RGS20: variants seen among roughly 807,000 people sequenced by gnomAD.
The protein encoded by RGS20 is regulator of G protein signaling 20, also known as gz-selective GTPase-activating protein.
RGS20 carries 30 observed loss-of-function variants against 33.6 expected under a neutral mutation model. The ratio of observed to expected loss-of-function variants is 0.89; its 90% CI spans 0.67 to 1.21. The LOEUF (loss-of-function observed/expected upper bound fraction) is 1.21. Among genes scored for constraint, RGS20 ranks in the 50% most tolerant of loss-of-function variants. RGS20 has a pLI of 0.00. For missense variants in RGS20, 472 were observed against 502.4 expected (o/e 0.94, Z 0.58); for synonymous variants, 208 against 197.9 (o/e 1.05, Z -0.43).
intron 1 of RGS20, among the ~76,000 whole-genome samples, chr8:53,859,987 C>A (rs1391870961): frequency 1.3e-5 from 2 of 152,146 alleles, no homozygotes; most frequent in Non-Finnish European, 2.9e-5. Context: ...GGGACACAGC[C>A]AAACCATATC....
intron 2 of RGS20, among the ~76,000 whole-genome samples, chr8:53,885,096 A>C (rs1377283878): frequency 2.6e-5 from 4 of 152,194 alleles, no homozygotes; most frequent in Non-Finnish European, 5.9e-5. Flanking sequence ...ACAGAAGGAG[A>C]TTTTATTATT....
At chr8:53,923,401 C>G (rs1813704930) in intron 2 of RGS20, among the ~76,000 whole-genome samples, 1 of 152,086 alleles carries the variant, frequency 6.6e-6, no homozygotes, top group Non-Finnish European at 1.5e-5. Context: ...TTGAGACCAG[C>G]CTGGGCAACA....
At chr8:53,954,881 T>C (rs1814821244) in intron 5 of RGS20, among the ~76,000 whole-genome samples, 1 of 150,878 alleles carries the variant, frequency 6.6e-6, no homozygotes, top group African/African-American at 2.4e-5. Context: ...AGAGACAGGG[T>C]TTCACCATGT....
At chr8:53,921,015 C>T (rs1218475168) in intron 2 of RGS20, among the ~76,000 whole-genome samples, 1 of 152,206 alleles carries the variant, frequency 6.6e-6, no homozygotes, top group Non-Finnish European at 1.5e-5. Flanking sequence ...CCACCTCGGC[C>T]TCCCAAAGTG....
intron 2 of RGS20, among the ~76,000 whole-genome samples, chr8:53,907,324 C>T (rs1383028482): frequency 2.6e-5 from 4 of 152,074 alleles, no homozygotes; most frequent in African/African-American, 4.8e-5. Flanking sequence ...CGGTGGCTCA[C>T]GCCTGTAATA....
intron 2 of RGS20, among the ~76,000 whole-genome samples, chr8:53,883,897 G>T (rs940167303): frequency 1.3e-5 from 2 of 151,382 alleles, no homozygotes; most frequent in African/African-American, 4.9e-5. Context: ...AGTGAGCCGA[G>T]ATGGAGCCAC....
At chr8:53,956,489 G>T (rs1585968842) in intron 5 of RGS20, among the ~76,000 whole-genome samples, 1 of 152,102 alleles carries the variant, frequency 6.6e-6, no homozygotes, top group African/African-American at 2.4e-5. Flanking sequence ...ACTAATTCAG[G>T]AGTCCAAAGG....
chr8:53,895,150 C>G (rs184414367), intron 2 of RGS20, among the ~76,000 whole-genome samples: 1 of 152,172 alleles, frequency 6.6e-6, no homozygotes, highest in Non-Finnish European at 1.5e-5. Context: ...ATGCAGTGAG[C>G]TTGCTAATGA....
At chr8:53,875,953 C>T (rs138702777) in intron 1 of RGS20, among the ~76,000 whole-genome samples, 2 of 152,302 alleles carry the variant, frequency 1.3e-5, no homozygotes, top group African/African-American at 2.4e-5. Context: ...TTTCAATCTG[C>T]ATAATTTATG....
chr8:53,918,249 C>G (rs539873663), intron 2 of RGS20, among the ~76,000 whole-genome samples: 1 of 152,272 alleles, frequency 6.6e-6, no homozygotes, highest in East Asian at 1.9e-4. Flanking sequence ...TCCCCTTACC[C>G]CATCCCCTGG....
At chr8:53,891,960 T>C (rs1263781309) in intron 2 of RGS20, among the ~76,000 whole-genome samples, 2 of 152,218 alleles carry the variant, frequency 1.3e-5, no homozygotes, top group East Asian at 3.9e-4. Context: ...TACATATGTA[T>C]ACATGTGCCA....
At position 53,915,690 on chromosome 8, in the gene RGS20, C is replaced by G. The variant is rs1481951794; in HGVS notation, c.511-23886C>G. Among the ~76,000 whole-genome samples, 3 of 152,200 alleles carry G rather than the reference C, an allele frequency of 2.0e-5. No individual in the cohort carries two copies. The East Asian group carries it at 5.8e-4, about 29-fold the overall frequency. ...AGCTGCAGTCTCTGTACTTCTCATG[C>G]TTTGCCAGGTTCTCCCCAGGAGTCT... On this transcript the variant is annotated intron_variant, in intron 2 of 5. Transcript: ENST00000297313.
At chr8:53,900,888 T>G (rs1039772290) in intron 2 of RGS20, among the ~76,000 whole-genome samples, 3 of 151,996 alleles carry the variant, frequency 2.0e-5, no homozygotes, top group Non-Finnish European at 4.4e-5. Context: ...CTCAGAGGAC[T>G]CCTCCAAGTA....
At chr8:53,869,237 T>G (rs1322587802) in intron 1 of RGS20, among the ~76,000 whole-genome samples, 1 of 152,370 alleles carries the variant, frequency 6.6e-6, no homozygotes, top group South Asian at 2.1e-4. Flanking sequence ...TTTGTTTTTC[T>G]TTTTAGTTAG....
chr8:53,879,487 G>C lies in RGS20; in HGVS notation c.395G>C (p.Gly132Ala). ...CCGGGCCGCCTCTCGCTCCTGCTCG[G>C]GGCGGCGCTGGCACTGCCCGGCCGA... The change falls in exon 2 of 6, where the codon GGG becomes GCG. Residue 132 changes from glycine (G) to alanine (A), a missense_variant. Transcript: ENST00000297313. 1 of 1,563,536 alleles carries C rather than the reference G, an allele frequency of 6.4e-7. No individual in the cohort carries two copies. Among genetic ancestry groups the C allele is most frequent in the Non-Finnish European group, 8.6e-7 (1 of 1,157,818 alleles).
intron 4 of RGS20, among the ~76,000 whole-genome samples, chr8:53,947,172 T>C (rs945729331): frequency 1.4e-5 from 2 of 146,278 alleles, no homozygotes; most frequent in Non-Finnish European, 3.0e-5. Context: ...ATACACTCTA[T>C]ATAAGATATA....
At chr8:53,894,268 C>A (rs890731111) in intron 2 of RGS20, among the ~76,000 whole-genome samples, 20 of 152,116 alleles carry the variant, frequency 1.3e-4, no homozygotes, top group African/African-American at 4.6e-4. Flanking sequence ...GAAATTTCTT[C>A]AATTTTAGAT....
At chr8:53,880,755 C>T in intron 2 of RGS20, 117 bp from the exon 1 acceptor site, 1 of 837,064 alleles carries the variant, frequency 1.2e-6, no homozygotes, top group Non-Finnish European at 1.6e-6. Context: ...TCGCGCCCCG[C>T]GTGGGGCCTC....
chr8:53,926,916 A>AAAAG (rs113848798), intron 2 of RGS20, among the ~76,000 whole-genome samples: 7,555 of 152,150 alleles, frequency 0.05, 469 homozygotes, highest in African/African-American at 0.15. Context: ...CCATCTCAAA[A>AAAAG]AAAGAAAGAA....
Sources: gnomAD v4.1 joint callset for allele counts (sites outside exome capture counted in the v4.1 genomes callset) on GRCh38, gnomAD v4.1.1 for gene constraint, MANE v1.5 for transcripts, NCBI Gene and HGNC (gene_info 2026-07-23, HGNC 2026-07-21) for gene names.